LRRC49: variants seen among roughly 807,000 people sequenced by gnomAD.
LRRC49 encodes leucine-rich repeat-containing protein 49.
LRRC49 carries 50 observed loss-of-function variants against 83.3 expected under a neutral mutation model. The ratio of observed to expected loss-of-function variants is 0.60; its 90% CI spans 0.48 to 0.76. LRRC49 has a LOEUF of 0.76. Among genes scored for constraint, LRRC49 ranks in the 30% least tolerant of loss-of-function variants. LRRC49 has a pLI of 0.00. For missense variants in LRRC49, 704 were observed against 809.1 expected (o/e 0.87, Z 1.58); for synonymous variants, 286 against 283.3 (o/e 1.01, Z -0.10).
intron 7 of LRRC49, among the ~76,000 whole-genome samples, chr15:70,928,330 C>A (rs1277776880): frequency 6.6e-6 from 1 of 151,998 alleles, no homozygotes; most frequent in East Asian, 1.9e-4. Context: ...GTAAAAAAAT[C>A]TGGTTAAGTC....
chr15:71,018,502 A>AT (rs2038897179), intron 14 of LRRC49, among the ~76,000 whole-genome samples: 1 of 152,206 alleles, frequency 6.6e-6, no homozygotes, highest in African/African-American at 2.4e-5. Flanking sequence ...GTATAACATA[A>AT]TTACTAGGCC....
At chr15:70,900,490 G>A (rs1447462382) in intron 3 of LRRC49, 1 of 456,712 alleles carries the variant, frequency 2.2e-6, no homozygotes, top group South Asian at 1.5e-5. Context: ...ACTGCCACGA[G>A]GTCCTTATCA....
intron 8 of LRRC49, among the ~76,000 whole-genome samples, chr15:70,938,251 G>A (rs1015124626): frequency 1.3e-5 from 2 of 152,042 alleles, no homozygotes; most frequent in African/African-American, 4.8e-5. Flanking sequence ...TATCTGGGAA[G>A]TTTTCTTCCC....
At chr15:70,957,836 A>G (rs903964416) in intron 8 of LRRC49, among the ~76,000 whole-genome samples, 5 of 152,250 alleles carry the variant, frequency 3.3e-5, no homozygotes, top group Non-Finnish European at 7.3e-5. Context: ...GGCCACCAAC[A>G]TAACAGTGTT....
rs984813231 is a variant in LRRC49 at position 71,052,335 on chromosome 15, C to A, written c.*2723C>A. On this transcript the variant is annotated 3_prime_UTR_variant, in exon 16 of 16. Coordinates refer to ENST00000260382, the MANE Select transcript of LRRC49 (RefSeq NM_017691.5). ...GCCTCAAAAGCAGAAACATTTAGTA[C>A]CCCCATTTAGGGAGATACTGTACCC... The A allele has an allele frequency of 2.0e-5, 3 of 152,162 alleles. No homozygotes were observed. Among genetic ancestry groups the A allele is most frequent in the African/African-American group, 7.2e-5 (3 of 41,420 alleles). 9.4% of individuals were successfully genotyped at this position (152,162 alleles called of 1,614,324 possible).
intron 7 of LRRC49, among the ~76,000 whole-genome samples, chr15:70,929,316 A>T (rs2035324060): frequency 6.6e-6 from 1 of 152,244 alleles, no homozygotes; most frequent in Admixed American, 6.5e-5. Flanking sequence ...GTTTCCCAGT[A>T]CATATAAAAG....
chr15:70,883,368 AT>A (rs1451765797), intron 2 of LRRC49, among the ~76,000 whole-genome samples: 3 of 151,618 alleles, frequency 2.0e-5, no homozygotes, highest in African/African-American at 7.3e-5. Context: ...ATTTTTTTGT[AT>A]TTTTAGTAGA....
chr15:70,878,557 G>A lies in LRRC49; in HGVS notation c.18+5334G>A, dbSNP rs376083534. Among the ~76,000 whole-genome samples the A allele has an allele frequency of 1.3e-3, 203 of 152,320 alleles. 2 individuals carry two copies. The highest frequency in any genetic ancestry group is 4.8e-3 in the African/African-American group (198 of 41,574). On this transcript the variant is annotated intron_variant, in intron 2 of 16. Transcript: ENST00000544974. The stretch of plus-strand genomic sequence containing the variant: ...CCTGATCTAGGGATAAAGCCTGTAA[G>A]GGAACATTAACTATGGATTTAGTGG...
At chr15:70,954,627 T>C (rs2036333125) in intron 8 of LRRC49, among the ~76,000 whole-genome samples, 1 of 152,190 alleles carries the variant, frequency 6.6e-6, no homozygotes, top group South Asian at 2.1e-4. Context: ...TTATTGCCCT[T>C]AGGGTTTTTT....
intron 15 of LRRC49, among the ~76,000 whole-genome samples, chr15:71,038,815 A>G (rs1386810890): frequency 6.6e-6 from 1 of 152,206 alleles, no homozygotes; most frequent in East Asian, 1.9e-4. Flanking sequence ...CTTGAAGTCA[A>G]CTACCTTTTT....
chr15:70,920,613 GCTTTCATTT>G (rs2034972622), intron 7 of LRRC49, among the ~76,000 whole-genome samples: 1 of 152,128 alleles, frequency 6.6e-6, no homozygotes, highest in Non-Finnish European at 1.5e-5. Flanking sequence ...CTATATTTTG[GCTTTCATTT>G]GGAAAGTGCA....
At position 70,858,253 on chromosome 15, in the gene LRRC49, C is replaced by G. The variant is rs1324601558; in HGVS notation, c.-299+4784C>G. On this transcript the variant is annotated intron_variant, in intron 1 of 16. Transcript: ENST00000544974. The stretch of plus-strand genomic sequence containing the variant: ...TACACTGACAAAATCGAGGACTTCC[C>G]TGGCCAGAAACCAGCATCTTTCTAT... Among the ~76,000 whole-genome samples, 129 of 152,344 alleles carry G rather than the reference C, an allele frequency of 8.5e-4. 1 individual carries two copies. The highest frequency in any genetic ancestry group is 2.1e-4 in the Non-Finnish European group (14 of 68,032).
intron 8 of LRRC49, among the ~76,000 whole-genome samples, chr15:70,959,459 C>T (rs1458914993): frequency 1.3e-5 from 2 of 149,998 alleles, no homozygotes; most frequent in Admixed American, 6.7e-5. Context: ...CCATTGCGCT[C>T]CAGTCTGGGC....
intron 8 of LRRC49, among the ~76,000 whole-genome samples, chr15:70,952,230 T>TC (rs2036243027): frequency 6.6e-6 from 1 of 151,896 alleles, no homozygotes; most frequent in Admixed American, 6.5e-5. Context: ...TTTTTTTTTT[T>TC]CTGTGTCTCT....
At chr15:70,858,836 G>T in intron 1 of LRRC49, 1 of 782,012 alleles carries the variant, frequency 1.3e-6, no homozygotes, top group Non-Finnish European at 2.3e-6. Flanking sequence ...TCCCGAGTGG[G>T]CAGCAGCAGC....
intron 3 of LRRC49, among the ~76,000 whole-genome samples, chr15:70,898,938 C>T (rs762269583): frequency 4.6e-5 from 7 of 151,994 alleles, no homozygotes; most frequent in South Asian, 2.1e-4. Flanking sequence ...ATTTTAACTG[C>T]GGATCTCTCT....
In LRRC49 at chr15:70,860,206, C is replaced by T. The variant is rs1211924599; in HGVS notation, c.-299+6737C>T. ...CCCATCCTACCCCTCCTGCGGCTGCCCCAGGGCCCTGGAGGAGGCCGCTGT... is the reference window on the plus strand; with the variant it reads ...CCCATCCTACCCCTCCTGCGGCTGCTCCAGGGCCCTGGAGGAGGCCGCTGT... On this transcript the variant is annotated intron_variant, in intron 1 of 16. Transcript: ENST00000544974. 2.3e-5 allele frequency: 14 copies of T among 616,596 alleles called. No individual in the cohort carries two copies. The East Asian group carries it at 3.7e-4, about 16-fold the overall frequency. 38.2% of individuals were successfully genotyped at this position (616,596 alleles called of 1,614,324 possible). A position where few individuals can be genotyped will look rare whatever the true frequency, so the allele number is the denominator to read the frequency against.
At chr15:70,999,892 A>G (rs2038201971) in intron 11 of LRRC49, among the ~76,000 whole-genome samples, 1 of 152,286 alleles carries the variant, frequency 6.6e-6, no homozygotes, top group African/African-American at 2.4e-5. Context: ...CCTCAGCCCT[A>G]GGGAAGCTCC....
Position 70,900,922 on chromosome 15 carries a change from G to A in LRRC49, c.194G>A (p.Gly65Asp), listed in dbSNP as rs1002569564. The change falls in exon 4 of 16, where the codon GGT becomes GAT. Residue 65 changes from glycine to aspartate, a missense_variant and splice_region_variant. Coordinates refer to ENST00000260382, the MANE Select transcript of LRRC49 (RefSeq NM_017691.5). Reference sequence around the variant, plus strand: ...GTAATTTGTATATCATTTTTAATAGGTGATCATATTAATTTGGTGAGCTCA... The same window carrying A: ...GTAATTTGTATATCATTTTTAATAGATGATCATATTAATTTGGTGAGCTCA... ...DLERNYSSRQGDHINLVSSSL... is the reference protein window; with the variant it reads ...DLERNYSSRQDDHINLVSSSL... The A allele has an allele frequency of 7.1e-6, 11 of 1,556,576 alleles. No homozygotes were observed. The highest frequency in any genetic ancestry group is 9.7e-6 in the Non-Finnish European group (11 of 1,135,618).
Sources: allele counts gnomAD v4.1 joint callset (sites outside exome capture counted in the v4.1 genomes callset), GRCh38; gene constraint gnomAD v4.1.1; transcripts MANE v1.5; gene names NCBI Gene and HGNC (gene_info 2026-07-23, HGNC 2026-07-21).